Variants in KIAA0319 observed in about 807,000 individuals in gnomAD.
KIAA0319 encodes the protein dyslexia-associated protein KIAA0319.
In KIAA0319, 83 loss-of-function variants were observed where a neutral mutation model predicts 108.4. The ratio of observed to expected loss-of-function variants is 0.77; its 90% CI spans 0.64 to 0.92. KIAA0319 has a LOEUF of 0.92. KIAA0319 is among the 40% of genes least tolerant of loss of function. The pLI is 0.00. For synonymous variants in KIAA0319, 484 were observed against 510.4 expected, an observed-to-expected ratio of 0.95 and a Z score of 0.70; for missense variants, 1,195 against 1,322.4, an observed-to-expected ratio of 0.90 and a Z score of 1.49.
rs1315712708 is a variant in KIAA0319 at position 24,547,063 on chromosome 6, G to T, written c.*102C>A. On this transcript the variant is annotated 3_prime_UTR_variant, in exon 21 of 21. Transcript: ENST00000378214. ...GATACACATCTAACCCACTGGGGAA[G>T]AAGGTCAATGAACTATTCTAAAAGA... 2.4e-6 allele frequency: 3 copies of T among 1,235,928 alleles called. No individual in the cohort carries two copies. Among genetic ancestry groups the T allele is most frequent in the Non-Finnish European group, 3.5e-6 (3 of 862,844 alleles). The allele number at this position is 1,235,928 out of a possible 1,614,324, so 76.6% of individuals were successfully genotyped here. A position where few individuals can be genotyped will look rare whatever the true frequency, so the allele number is the denominator to read the frequency against.
At chr6:24,582,213 T>G in intron 6 of KIAA0319, 36 bp downstream of exon 6, 1 of 1,156,060 alleles carries the variant, frequency 8.7e-7, no homozygotes. Context: ...GCCGTTACGC[T>G]GTGCTGTTAG....
At chr6:24,600,934 T>C in intron 2 of KIAA0319, 115 bp downstream of exon 2, 1 of 1,359,172 alleles carries the variant, frequency 7.4e-7, no homozygotes, top group Non-Finnish European at 1.0e-6. Flanking sequence ...ACCTGTAAAA[T>C]AATTCTATTG....
intron 1 of KIAA0319, among the ~76,000 whole-genome samples, chr6:24,638,900 A>T (rs1191536691): frequency 6.6e-6 from 1 of 152,244 alleles, no homozygotes; most frequent in Non-Finnish European, 1.5e-5. Flanking sequence ...TTAAGAGAGT[A>T]GATCTTAAAT....
intron 10 of KIAA0319, among the ~76,000 whole-genome samples, chr6:24,575,424 C>T (rs548908079): frequency 2.5e-4 from 38 of 151,908 alleles, no homozygotes; most frequent in African/African-American, 8.2e-4. Context: ...GTTTTGTATC[C>T]AACCCGCCTC....
chr6:24,591,969 G>A (rs1768556045), intron 3 of KIAA0319, among the ~76,000 whole-genome samples: 1 of 151,830 alleles, frequency 6.6e-6, no homozygotes, highest in South Asian at 2.1e-4. Context: ...CCATTTTATG[G>A]TATATTTATT....
chr6:24,589,176 G>A (rs1768038487), intron 3 of KIAA0319, among the ~76,000 whole-genome samples: 1 of 152,180 alleles, frequency 6.6e-6, no homozygotes, highest in African/African-American at 2.4e-5. Flanking sequence ...GGGCCTTTGG[G>A]AAGTAATTAG....
rs1264163719 is a variant in KIAA0319 at position 24,576,567 on chromosome 6, G to C, written c.1535C>G (p.Thr512Ser). 6.2e-7 allele frequency: 1 copy of C among 1,613,994 alleles called. No individual in the cohort carries two copies. The highest frequency in any genetic ancestry group is 1.3e-5 in the African/African-American group (1 of 74,908). The change falls in exon 10 of 21, where the codon ACT becomes AGT. Residue 512 changes from threonine (T) to serine (S), a missense_variant. Thr to Ser is a moderately conservative substitution (Grantham distance 58). Transcript: ENST00000378214. ...RLTVTDSDGA[T>S]NSTTAALIVN... Reference sequence around the variant, plus strand: ...TATTAGGGCTGCAGTTGTAGAGTTAGTGGCTCCGTCCGAGTCTGTAACAGT... The same window carrying C: ...TATTAGGGCTGCAGTTGTAGAGTTACTGGCTCCGTCCGAGTCTGTAACAGT...
At chr6:24,600,998 G>C (rs754127500) in intron 2 of KIAA0319, 51 bp downstream of exon 2, 1 of 1,610,878 alleles carries the variant, frequency 6.2e-7, no homozygotes, top group South Asian at 1.1e-5. Flanking sequence ...GCTTACACTA[G>C]TCAAGAAACT....
chr6:24,592,322 C>T (rs1438022382), intron 3 of KIAA0319, among the ~76,000 whole-genome samples: 1 of 152,138 alleles, frequency 6.6e-6, no homozygotes, highest in Non-Finnish European at 1.5e-5. Context: ...ATACCTTTAC[C>T]AAATACAATT....
At chr6:24,583,576 T>C (rs6901322) in intron 5 of KIAA0319, 28 bp downstream of exon 5, 7 of 1,476,070 alleles carry the variant, frequency 4.7e-6, no homozygotes, top group Non-Finnish European at 6.6e-6. Flanking sequence ...CAGTTCCTAG[T>C]GGTCAGGGAG....
intron 20 of KIAA0319, 107 bp downstream of exon 20, chr6:24,551,327 A>G: frequency 1.3e-6 from 1 of 763,852 alleles, no homozygotes; most frequent in South Asian, 1.5e-5. Context: ...TCCCAATTAA[A>G]GTGCTGACTC....
At position 24,595,911 on chromosome 6, in the gene KIAA0319, G is replaced by A. The variant is rs754559914; in HGVS notation, c.763C>T (p.Gln255Ter). 1.9e-6 allele frequency: 3 copies of A among 1,612,102 alleles called. No homozygotes were observed. The highest frequency in any genetic ancestry group is 2.5e-6 in the Non-Finnish European group (3 of 1,178,988). Residue 255 changes from glutamine to a stop codon, truncating the protein, a stop_gained, in exon 3 of 21, where the codon CAG (glutamine) becomes TAG (stop). Transcript: ENST00000378214. LOFTEE classifies it high-confidence loss of function. ...CTGTTGCTGGATTGTTCCTGGAGCT[G>A]AGAAGCCTTTTCTTTCTCCAACACC... The part of the protein sequence containing the change: ...GEVLEKEKAS[Q>*]LQEQSSNSSG...
chr6:24,601,881 A>G (rs534648109), intron 1 of KIAA0319, among the ~76,000 whole-genome samples: 3 of 152,228 alleles, frequency 2.0e-5, no homozygotes, highest in Non-Finnish European at 4.4e-5. Context: ...TATTGTAGAC[A>G]AGGGACTGGT....
chr6:24,606,492 C>T (rs1018366038), intron 1 of KIAA0319, among the ~76,000 whole-genome samples: 8 of 152,116 alleles, frequency 5.3e-5, no homozygotes, highest in African/African-American at 1.9e-4. Context: ...ATGGGCAAAG[C>T]ACAGAAGGGT....
At chr6:24,556,536 A>G in intron 18 of KIAA0319, 71 bp downstream of exon 18, 2 of 1,536,010 alleles carry the variant, frequency 1.3e-6, no homozygotes, top group South Asian at 1.2e-5. Context: ...TATTAGGCAG[A>G]TATTTCTGAT....
Position 24,568,780 on chromosome 6 carries a change from C to G in KIAA0319, c.2140+1G>C, listed in dbSNP as rs752583084. Reference sequence around the variant, plus strand: ...GCCCTGTCCACCTCAGACCCACTCACCCTTCTTCACAGCCACAGTGAGGGT... The same window carrying G: ...GCCCTGTCCACCTCAGACCCACTCAGCCTTCTTCACAGCCACAGTGAGGGT... On this transcript the variant is annotated splice_donor_variant, in intron 13 of 20. Transcript: ENST00000378214. LOFTEE classifies it high-confidence loss of function. 1.2e-6 allele frequency: 2 copies of G among 1,613,782 alleles called. No homozygotes were observed. The highest frequency in any genetic ancestry group is 1.7e-6 in the Non-Finnish European group (2 of 1,179,914).
intron 19 of KIAA0319, 95 bp downstream of exon 19, chr6:24,554,446 T>A (rs2127422444): frequency 1.2e-6 from 1 of 857,344 alleles, no homozygotes; most frequent in Non-Finnish European, 1.9e-6. Context: ...AATAAACAGC[T>A]TAGTGGTTTA....
chr6:24,565,744 C>A (rs1006276306), intron 14 of KIAA0319, among the ~76,000 whole-genome samples: 2 of 126,756 alleles, frequency 1.6e-5, no homozygotes, highest in Admixed American at 1.7e-4. Flanking sequence ...TAGAGTGAGA[C>A]TCCATCTCAA....
rs574724704 is a variant in KIAA0319, at chr6:24,625,932, G to A, written c.-106+19804C>T. ...AGAAGTAAAGACAACCTAAATGAAT[G>A]GAAATAACTCAAATGCCCATAGGCT... On this transcript the variant is annotated intron_variant, in intron 1 of 20. Transcript: ENST00000378214. 3.3e-5 allele frequency among the ~76,000 whole-genome samples: 5 copies of A among 152,166 alleles called. No individual in the cohort carries two copies. The East Asian group carries it at 9.6e-4, about 29-fold the overall frequency.
Sources: gnomAD v4.1 joint callset for allele counts (sites outside exome capture counted in the v4.1 genomes callset) on GRCh38, gnomAD v4.1.1 for gene constraint, MANE v1.5 for transcripts, NCBI Gene and HGNC (gene_info 2026-07-23, HGNC 2026-07-21) for gene names.